Variants in RSRC1 observed in about 807,000 individuals in gnomAD.
RSRC1 encodes the protein serine/Arginine-related protein 53.
Under a neutral mutation model 49.1 loss-of-function variants are expected in RSRC1, and 39 were observed. The ratio of observed to expected loss-of-function variants is 0.79; its 90% CI spans 0.61 to 1.04. The LOEUF is 1.04. Among genes scored for constraint, RSRC1 ranks in the 50% least tolerant of loss-of-function variants. The probability of loss-of-function intolerance (pLI) is 0.00; values close to 1 mark genes in which losing one functional copy is unlikely to be tolerated. For synonymous variants in RSRC1, 143 were observed against 130.8 expected, an observed-to-expected ratio of 1.09 and a Z score of -0.63; for missense variants, 388 against 402.4, an observed-to-expected ratio of 0.96 and a Z score of 0.31.
intron 1 of RSRC1, among the ~76,000 whole-genome samples, chr3:158,116,268 GT>G (rs1714810316): frequency 6.6e-6 from 1 of 151,970 alleles, no homozygotes; most frequent in Non-Finnish European, 1.5e-5. Context: ...TCAAGAAAAG[GT>G]TTTCCAGATA....
intron 7 of RSRC1, among the ~76,000 whole-genome samples, chr3:158,509,899 C>G (rs780125973): frequency 8.5e-5 from 13 of 152,270 alleles, no homozygotes; most frequent in Non-Finnish European, 1.9e-4. Context: ...TCTTATACCT[C>G]TCTCCTGGTA....
At chr3:158,434,148 C>T (rs1288316470) in intron 6 of RSRC1, among the ~76,000 whole-genome samples, 1 of 151,928 alleles carries the variant, frequency 6.6e-6, no homozygotes, top group African/African-American at 2.4e-5. Context: ...TCCCTTTCAG[C>T]TCTACTCTGT....
intron 7 of RSRC1, among the ~76,000 whole-genome samples, chr3:158,536,394 T>C (rs1023709903): frequency 2.0e-5 from 3 of 151,516 alleles, no homozygotes; most frequent in African/African-American, 4.8e-5. Flanking sequence ...CTGTAAGTGA[T>C]AGAAAGAGAC....
intron 5 of RSRC1, among the ~76,000 whole-genome samples, chr3:158,352,505 C>T (rs1209980939): frequency 2.7e-5 from 4 of 150,748 alleles, no homozygotes; most frequent in Admixed American, 6.6e-5. Context: ...TTATGAAATA[C>T]AAAAAAAAAT....
chr3:158,429,330 T>G (rs1735641193), intron 6 of RSRC1, among the ~76,000 whole-genome samples: 1 of 149,596 alleles, frequency 6.7e-6, no homozygotes, highest in East Asian at 2.0e-4. Context: ...CCTGGAGAGA[T>G]TTCCATGATA....
chr3:158,386,010 T>C (rs986117184), intron 6 of RSRC1, among the ~76,000 whole-genome samples: 1 of 152,258 alleles, frequency 6.6e-6, no homozygotes, highest in African/African-American at 2.4e-5. Flanking sequence ...TACTAGATTA[T>C]AATAATTTTT....
chr3:158,251,712 T>C (rs779796247), intron 4 of RSRC1, among the ~76,000 whole-genome samples: 2 of 152,222 alleles, frequency 1.3e-5, no homozygotes, highest in African/African-American at 2.4e-5. Context: ...TTATAGTTTT[T>C]TGGTGGAGTC....
At chr3:158,286,042 G>T (rs763919250) in intron 4 of RSRC1, among the ~76,000 whole-genome samples, 2 of 152,084 alleles carry the variant, frequency 1.3e-5, no homozygotes, top group Non-Finnish European at 2.9e-5. Flanking sequence ...CTGTTTAAAT[G>T]TGTTAGCTAT....
chr3:158,180,764 A>ATT (rs2108251926), intron 3 of RSRC1, among the ~76,000 whole-genome samples: 1 of 145,042 alleles, frequency 6.9e-6, no homozygotes, highest in East Asian at 2.1e-4. Context: ...CACTGTGCTT[A>ATT]AAGAGTCCAC....
At chr3:158,246,093 G>C (rs1455065404) in intron 4 of RSRC1, among the ~76,000 whole-genome samples, 1 of 152,012 alleles carries the variant, frequency 6.6e-6, no homozygotes, top group Non-Finnish European at 1.5e-5. Flanking sequence ...CATGTCCTTT[G>C]TAGGGACATG....
chr3:158,375,186 A>AAC (rs1560016129), intron 6 of RSRC1, among the ~76,000 whole-genome samples: 1 of 145,894 alleles, frequency 6.9e-6, no homozygotes. Flanking sequence ...TATTATTATT[A>AAC]TTATTATTAT....
chr3:158,284,773 A>T (rs1292412155), intron 4 of RSRC1, among the ~76,000 whole-genome samples: 5 of 151,514 alleles, frequency 3.3e-5, no homozygotes, highest in Admixed American at 6.6e-5. Context: ...GTTTGAGTTC[A>T]TTGTAGATTC....
At chr3:158,246,738 G>A (rs1723923486) in intron 4 of RSRC1, among the ~76,000 whole-genome samples, 1 of 152,156 alleles carries the variant, frequency 6.6e-6, no homozygotes, top group South Asian at 2.1e-4. Context: ...TAGGGTTTCT[G>A]CTGAGAGGTC....
chr3:158,513,796 T>G (rs112598164), intron 7 of RSRC1, among the ~76,000 whole-genome samples: 8 of 152,214 alleles, frequency 5.3e-5, no homozygotes, highest in Non-Finnish European at 5.9e-5. Context: ...CAATTTCAGA[T>G]CCTGTTATTG....
chr3:158,127,168 T>C (rs1215941963), intron 3 of RSRC1, among the ~76,000 whole-genome samples: 3 of 152,156 alleles, frequency 2.0e-5, no homozygotes, highest in Non-Finnish European at 4.4e-5. Context: ...TTTGGGTGCC[T>C]ATTTGTTTTC....
intron 1 of RSRC1, among the ~76,000 whole-genome samples, chr3:158,117,294 A>G (rs566124166): frequency 1.3e-5 from 2 of 152,300 alleles, no homozygotes; most frequent in South Asian, 4.1e-4. Context: ...AGGGCAATTC[A>G]TCTTTCAATT....
At chr3:158,113,732 T>A (rs1578094596) in intron 1 of RSRC1, among the ~76,000 whole-genome samples, 1 of 152,290 alleles carries the variant, frequency 6.6e-6, no homozygotes, top group East Asian at 1.9e-4. Flanking sequence ...TAGTTTTGAT[T>A]TGCATTTCTC....
chr3:158,290,248 G>T (rs1304357979), intron 4 of RSRC1, among the ~76,000 whole-genome samples: 1 of 151,872 alleles, frequency 6.6e-6, no homozygotes, highest in African/African-American at 2.4e-5. Flanking sequence ...TAGTAGAGCT[G>T]AAATTAGAAC....
chr3:158,119,599 C>T (rs1715105942), intron 1 of RSRC1, among the ~76,000 whole-genome samples: 1 of 151,574 alleles, frequency 6.6e-6, no homozygotes, highest in South Asian at 2.1e-4. Context: ...TATTTCTTAA[C>T]ATGGATATAA....
Sources: allele counts gnomAD v4.1 joint callset (sites outside exome capture counted in the v4.1 genomes callset), GRCh38; gene constraint gnomAD v4.1.1; transcripts MANE v1.5; gene names NCBI Gene and HGNC (gene_info 2026-07-23, HGNC 2026-07-21).